STPG2: variants seen among roughly 807,000 people sequenced by gnomAD.
STPG2 encodes the protein sperm tail PG-rich repeat containing 2.
In STPG2, 56 loss-of-function variants were observed where a neutral mutation model predicts 54.2. That is an observed-to-expected ratio of 1.03 (90% confidence interval 0.83 to 1.29). The LOEUF is 1.29. Among genes scored for constraint, STPG2 ranks in the 50% most tolerant of loss-of-function variants. The pLI is 0.00. For synonymous variants in STPG2, 200 were observed against 181.8 expected (o/e 1.10, Z -0.81); for missense variants, 596 against 544.9 (o/e 1.09, Z -0.93).
At chr4:97,538,803 T>A (rs539129192) in intron 4 of STPG2, among the ~76,000 whole-genome samples, 2 of 152,284 alleles carry the variant, frequency 1.3e-5, no homozygotes, top group African/African-American at 4.8e-5. Flanking sequence ...AAAGGTTAGG[T>A]TACCCACAAA....
chr4:97,878,882 T>C (rs1730271536), intron 8 of STPG2, among the ~76,000 whole-genome samples: 1 of 152,210 alleles, frequency 6.6e-6, no homozygotes, highest in South Asian at 2.1e-4. Context: ...TAAGCTTTTA[T>C]GCTCTGTTTC....
At chr4:98,052,584 T>A (rs1486048314) in intron 5 of STPG2, among the ~76,000 whole-genome samples, 1 of 152,206 alleles carries the variant, frequency 6.6e-6, no homozygotes, top group Admixed American at 6.5e-5. Context: ...CAATAATACA[T>A]TCTTCACATT....
At position 98,129,777 on chromosome 4, in the gene STPG2, T is replaced by C. The variant is rs796961211; in HGVS notation, c.223-1185A>G. 1.8e-4 allele frequency among the ~76,000 whole-genome samples: 27 copies of C among 152,348 alleles called. 1 individual carries two copies. The highest frequency in any genetic ancestry group is 6.0e-4 in the African/African-American group (25 of 41,588). On this transcript the variant is annotated intron_variant, in intron 2 of 10. Transcript: ENST00000295268. ...TATATTGATTCCTGAAGTTTCTGCA[T>C]GAATAAATTAATGCTATAGTTGCAT...
intron 9 of STPG2, among the ~76,000 whole-genome samples, chr4:97,805,830 T>G (rs1298983965): frequency 6.7e-6 from 1 of 148,468 alleles, no homozygotes; most frequent in Non-Finnish European, 1.5e-5. Flanking sequence ...TTCCTATTAT[T>G]AAAAAGTAAA....
intron 10 of STPG2, among the ~76,000 whole-genome samples, chr4:97,675,407 A>C (rs1456761095): frequency 1.3e-5 from 2 of 152,182 alleles, no homozygotes; most frequent in African/African-American, 4.8e-5. Flanking sequence ...AAGGCCTGCT[A>C]CATTTATGAA....
chr4:97,877,015 G>A (rs1343718399), intron 8 of STPG2, among the ~76,000 whole-genome samples: 1 of 151,962 alleles, frequency 6.6e-6, no homozygotes, highest in African/African-American at 2.4e-5. Flanking sequence ...GTGATGTTTT[G>A]ATCTATGTAT....
intron 8 of STPG2, among the ~76,000 whole-genome samples, chr4:97,911,771 T>C (rs1731687390): frequency 6.6e-6 from 1 of 152,070 alleles, no homozygotes; most frequent in Non-Finnish European, 1.5e-5. Context: ...CTGCCGGCTG[T>C]GGAGAGTCTG....
At position 97,490,329 on chromosome 4, in the gene STPG2, G is replaced by A. The variant is rs76112756; in HGVS notation, c.462+222370C>T. Among the ~76,000 whole-genome samples the A allele has an allele frequency of 3.6e-3, 544 of 151,424 alleles. 3 individuals are homozygous for A. The highest frequency in any genetic ancestry group is 0.012 in the African/African-American group (505 of 41,388). ...GTTCCCTACTTGGCAAAGCCAATGC[G>A]TTCTTTCAGTCTTCTTTCTACTTAA... On this transcript the variant is annotated intron_variant, in intron 4 of 4. Transcript: ENST00000522676.
chr4:97,740,714 G>A (rs1266950012), intron 9 of STPG2, among the ~76,000 whole-genome samples: 2 of 152,054 alleles, frequency 1.3e-5, no homozygotes, highest in African/African-American at 4.8e-5. Context: ...AATAAAAGAG[G>A]ATACAAACAA....
chr4:98,047,707 T>G (rs1009362177), intron 5 of STPG2, among the ~76,000 whole-genome samples: 4 of 152,166 alleles, frequency 2.6e-5, no homozygotes, highest in Admixed American at 6.5e-5. Flanking sequence ...GCTGAAGACC[T>G]GGTTTTATTG....
At chr4:97,505,853 C>G in intron 4 of STPG2, among the ~76,000 whole-genome samples, 1 of 151,368 alleles carries the variant, frequency 6.6e-6, no homozygotes, top group African/African-American at 2.4e-5. Flanking sequence ...GGCTTATCAA[C>G]TAATTAATTA....
intron 9 of STPG2, among the ~76,000 whole-genome samples, chr4:97,839,150 T>C (rs1020377406): frequency 4.6e-5 from 7 of 151,744 alleles, no homozygotes; most frequent in Admixed American, 4.6e-4. Flanking sequence ...GAAACATGTT[T>C]CATATTATGA....
At chr4:97,461,255 TTATCTC>T (rs1342228171) in intron 4 of STPG2, among the ~76,000 whole-genome samples, 1 of 151,252 alleles carries the variant, frequency 6.6e-6, no homozygotes, top group African/African-American at 2.4e-5. Context: ...CTCTTTCTCT[TTATCTC>T]TCTCTCTCTC....
chr4:97,758,163 A>G (rs1246235448), intron 9 of STPG2, among the ~76,000 whole-genome samples: 5 of 152,148 alleles, frequency 3.3e-5, no homozygotes, highest in Non-Finnish European at 5.9e-5. Flanking sequence ...TTATTAAAGT[A>G]CCTTAAGGGG....
At chr4:97,877,846 A>G (rs1730234375) in intron 8 of STPG2, among the ~76,000 whole-genome samples, 1 of 152,138 alleles carries the variant, frequency 6.6e-6, no homozygotes, top group African/African-American at 2.4e-5. Flanking sequence ...CATTAACTCA[A>G]AAGTCCACAG....
At chr4:97,458,312 T>G (rs763957424) in intron 4 of STPG2, among the ~76,000 whole-genome samples, 1 of 152,216 alleles carries the variant, frequency 6.6e-6, no homozygotes, top group Non-Finnish European at 1.5e-5. Context: ...AAAATTAATA[T>G]GAACTGAAGA....
At chr4:97,803,517 T>C (rs1727460204) in intron 9 of STPG2, among the ~76,000 whole-genome samples, 1 of 152,088 alleles carries the variant, frequency 6.6e-6, no homozygotes, top group South Asian at 2.1e-4. Context: ...GTCAATGGCT[T>C]TGCCATCTTC....
At chr4:97,520,206 G>C (rs983922383) in intron 4 of STPG2, among the ~76,000 whole-genome samples, 1 of 152,008 alleles carries the variant, frequency 6.6e-6, no homozygotes, top group Non-Finnish European at 1.5e-5. Context: ...GTATAGAGGA[G>C]AAAATGAGCT....
chr4:97,910,682 T>C (rs1279058635), intron 8 of STPG2, among the ~76,000 whole-genome samples: 1 of 152,006 alleles, frequency 6.6e-6, no homozygotes, highest in Non-Finnish European at 1.5e-5. Flanking sequence ...AAAGTACTCA[T>C]CATAACAATA....
Sources: gnomAD v4.1 joint callset for allele counts (sites outside exome capture counted in the v4.1 genomes callset) on GRCh38, gnomAD v4.1.1 for gene constraint, MANE v1.5 for transcripts, NCBI Gene and HGNC (gene_info 2026-07-23, HGNC 2026-07-21) for gene names.